Variants in SPAG16 observed in about 807,000 individuals in gnomAD.
SPAG16 encodes the protein sperm-associated antigen 16 protein.
In SPAG16, 86 loss-of-function variants were observed where a neutral mutation model predicts 80.4. That is an observed-to-expected ratio of 1.07 (90% confidence interval 0.90 to 1.28). SPAG16 has a LOEUF of 1.28. Among genes scored for constraint, SPAG16 ranks in the 50% most tolerant of loss-of-function variants. The pLI, the probability that SPAG16 is intolerant of heterozygous loss-of-function variation, is 0.00. For missense variants in SPAG16, 870 were observed against 765.3 expected, an observed-to-expected ratio of 1.14 and a Z score of -1.61; for synonymous variants, 294 against 265.9, an observed-to-expected ratio of 1.11 and a Z score of -1.03.
intron 15 of SPAG16, among the ~76,000 whole-genome samples, chr2:214,205,754 G>A (rs2058126275): frequency 6.6e-6 from 1 of 152,050 alleles, no homozygotes; most frequent in Admixed American, 6.6e-5. Flanking sequence ...CCTATTTATG[G>A]AATACATGTG....
At chr2:214,103,999 A>T (rs2125388427) in intron 13 of SPAG16, among the ~76,000 whole-genome samples, 1 of 152,132 alleles carries the variant, frequency 6.6e-6, no homozygotes, top group South Asian at 2.1e-4. Context: ...ACATTAAAGA[A>T]ACCTTTGCTC....
At chr2:213,441,110 A>T (rs2070925469) in intron 9 of SPAG16, among the ~76,000 whole-genome samples, 1 of 152,242 alleles carries the variant, frequency 6.6e-6, no homozygotes, top group Non-Finnish European at 1.5e-5. Context: ...ATACATTATA[A>T]TACAGCAATT....
chr2:214,179,975 G>A (rs1485788883), intron 15 of SPAG16, among the ~76,000 whole-genome samples: 2 of 151,448 alleles, frequency 1.3e-5, no homozygotes, highest in Admixed American at 6.6e-5. Context: ...CAGTTATTCA[G>A]GAAAAGACTG....
chr2:213,401,557 A>C (rs774858704), intron 9 of SPAG16, among the ~76,000 whole-genome samples: 5 of 151,754 alleles, frequency 3.3e-5, no homozygotes, highest in Non-Finnish European at 7.4e-5. Context: ...TTAAAAAGCT[A>C]CTCCTTGCAT....
At chr2:213,397,591 A>G (rs1450702383) in intron 9 of SPAG16, among the ~76,000 whole-genome samples, 3 of 152,150 alleles carry the variant, frequency 2.0e-5, no homozygotes, top group Admixed American at 2.0e-4. Flanking sequence ...GTTGATATGG[A>G]TGATCCTTCT....
At chr2:213,812,900 G>T (rs1345564102) in intron 10 of SPAG16, among the ~76,000 whole-genome samples, 4 of 151,884 alleles carry the variant, frequency 2.6e-5, no homozygotes, top group African/African-American at 9.7e-5. Flanking sequence ...CTGAAAGAAG[G>T]TTATGAGGTT....
At chr2:214,247,550 CA>C (rs1396506708) in intron 15 of SPAG16, among the ~76,000 whole-genome samples, 1 of 152,132 alleles carries the variant, frequency 6.6e-6, no homozygotes, top group African/African-American at 2.4e-5. Context: ...AAAAGCTAAT[CA>C]TACAAAGTAT....
At chr2:214,195,030 A>G (rs1045098765) in intron 15 of SPAG16, among the ~76,000 whole-genome samples, 2 of 152,130 alleles carry the variant, frequency 1.3e-5, no homozygotes, top group African/African-American at 4.8e-5. Context: ...AAAAATAATT[A>G]TAATACATTT....
intron 10 of SPAG16, 32 bp from the exon 11 acceptor site, chr2:213,862,453 C>G (rs766194810): frequency 6.2e-7 from 1 of 1,608,588 alleles, no homozygotes; most frequent in Non-Finnish European, 8.5e-7. Flanking sequence ...CTATTATCTC[C>G]CCATAACTCT....
At chr2:213,536,583 T>C (rs1468165460) in intron 10 of SPAG16, among the ~76,000 whole-genome samples, 1 of 152,238 alleles carries the variant, frequency 6.6e-6, no homozygotes, top group Non-Finnish European at 1.5e-5. Flanking sequence ...TGGCCAGTGA[T>C]GGTGAGCATT....
chr2:213,580,466 C>T (rs1183217553), intron 10 of SPAG16, among the ~76,000 whole-genome samples: 1 of 152,018 alleles, frequency 6.6e-6, no homozygotes, highest in East Asian at 1.9e-4. Context: ...ACTTTTTCTC[C>T]TCACAATACC....
At chr2:214,178,032 A>G (rs1178510354) in intron 15 of SPAG16, among the ~76,000 whole-genome samples, 1 of 139,154 alleles carries the variant, frequency 7.2e-6, no homozygotes, top group Non-Finnish European at 1.6e-5. Flanking sequence ...ATTTGTACAT[A>G]TAAACTCAAG....
At chr2:213,849,448 A>C (rs2662668) in intron 10 of SPAG16, among the ~76,000 whole-genome samples, 45,837 of 152,076 alleles carry the variant, frequency 0.3, 7,123 homozygotes, top group Middle Eastern at 0.43. Context: ...GAAAGTGCTG[A>C]AGTTTGATGA....
intron 10 of SPAG16, among the ~76,000 whole-genome samples, chr2:213,503,168 C>T (rs569084713): frequency 6.6e-6 from 1 of 152,244 alleles, no homozygotes; most frequent in East Asian, 1.9e-4. Context: ...ATTGTTTCAC[C>T]TCCCCCATGA....
At chr2:213,708,590 A>C (rs922712001) in intron 10 of SPAG16, among the ~76,000 whole-genome samples, 4 of 152,158 alleles carry the variant, frequency 2.6e-5, no homozygotes, top group Non-Finnish European at 4.4e-5. Context: ...TCAGGAGTTC[A>C]AGATCAGCCT....
intron 14 of SPAG16, among the ~76,000 whole-genome samples, chr2:214,125,261 TTC>T (rs2054416385): frequency 1.3e-5 from 2 of 151,748 alleles, no homozygotes; most frequent in South Asian, 4.1e-4. Context: ...ATTTAAAATG[TTC>T]TCTTTTTAGT....
intron 13 of SPAG16, among the ~76,000 whole-genome samples, chr2:214,030,902 A>G (rs1490053670): frequency 1.3e-5 from 2 of 152,232 alleles, no homozygotes; most frequent in African/African-American, 4.8e-5. Flanking sequence ...CCCTGGGGAC[A>G]GGTAGAAGTC....
At chr2:214,125,314 A>T (rs1013697403) in intron 14 of SPAG16, among the ~76,000 whole-genome samples, 3 of 151,710 alleles carry the variant, frequency 2.0e-5, no homozygotes, top group Non-Finnish European at 2.9e-5. Flanking sequence ...GCTGGTTTTC[A>T]ATTTTTACAG....
intron 15 of SPAG16, among the ~76,000 whole-genome samples, chr2:214,173,645 T>C (rs995448558): frequency 3.8e-4 from 58 of 152,068 alleles, no homozygotes; most frequent in African/African-American, 1.3e-3. Context: ...CTACCAGAGC[T>C]ACAAGGAGGA....
Sources: gnomAD v4.1 joint callset for allele counts (sites outside exome capture counted in the v4.1 genomes callset) on GRCh38, gnomAD v4.1.1 for gene constraint, MANE v1.5 for transcripts, NCBI Gene and HGNC (gene_info 2026-07-23, HGNC 2026-07-21) for gene names.